COQ8B: variants seen among roughly 807,000 people sequenced by gnomAD.
COQ8B encodes the protein coenzyme Q8B, also known as atypical kinase COQ8B, mitochondrial.
In COQ8B, 44 loss-of-function variants were observed where a neutral mutation model predicts 62.0. The ratio of observed to expected loss-of-function variants is 0.71; its 90% CI spans 0.56 to 0.91. The LOEUF (loss-of-function observed/expected upper bound fraction) is 0.91, where lower values mean the gene tolerates loss of function less well. Ranked by LOEUF, COQ8B falls within the 40% of genes least tolerant of loss-of-function variation. The pLI, the probability that COQ8B is intolerant of heterozygous loss-of-function variation, is 0.00. For missense variants in COQ8B, 649 were observed against 731.6 expected, an observed-to-expected ratio of 0.89 and a Z score of 1.30; for synonymous variants, 252 against 289.9, an observed-to-expected ratio of 0.87 and a Z score of 1.33.
At chr19:40,703,655 G>A (rs747944540) in intron 8 of COQ8B, 33 bp from the exon 9 acceptor site, 2 of 1,613,592 alleles carry the variant, frequency 1.2e-6, no homozygotes, top group Middle Eastern at 1.7e-4. Context: ...GAGAAGGTGG[G>A]AGTCACTTCT....
At position 40,700,106 on chromosome 19, in the gene COQ8B, G is replaced by A; in HGVS notation, c.1104C>T (p.Pro368=). The part of the protein sequence containing the change: ...LFEFRFMQTD[P]NWANFLYDAS... Reference sequence around the variant, plus strand: ...CATCATACAGGAAGTTGGCCCAGTTGGGGTCAGTCTGCATGAATCGGAACT... The same window carrying A: ...CATCATACAGGAAGTTGGCCCAGTTAGGGTCAGTCTGCATGAATCGGAACT... The change falls in exon 12 of 15, where the codon CCC becomes CCT. Residue 368 remains proline, a synonymous_variant. Transcript: ENST00000324464. The A allele has an allele frequency of 6.2e-7, 1 of 1,614,262 alleles. No individual in the cohort carries two copies. The highest frequency in any genetic ancestry group is 8.5e-7 in the Non-Finnish European group (1 of 1,180,048).
chr19:40,705,376 A>G lies in COQ8B; in HGVS notation c.439T>C (p.Cys147Arg), dbSNP rs2082092886. Residue 147 changes from cysteine (C) to arginine (R), a missense_variant, in exon 6 of 15, where the codon TGT becomes CGT. By Grantham distance (180) the Cys-to-Arg change is radical. Transcript: ENST00000324464. ...TTGAGGGCGGCCCCTCGAACTGTAC[A>G]TAAGGTCTGCACAATCCGCTCGGCA... is the stretch of plus-strand genomic sequence containing the variant. ...ANAERIVQTL[C>R]TVRGAALKVG... The G allele has an allele frequency of 1.2e-6, 2 of 1,602,208 alleles. No homozygotes were observed. Among genetic ancestry groups the G allele is most frequent in the Non-Finnish European group, 1.7e-6 (2 of 1,170,428 alleles).
chr19:40,694,520 G>A, intron 13 of COQ8B, among the ~76,000 whole-genome samples: 1 of 152,142 alleles, frequency 6.6e-6, no homozygotes, highest in South Asian at 2.1e-4. Context: ...TCCTTTGGGT[G>A]CTCTAGGGCC....
chr19:40,693,854 C>T (rs1038916010), intron 13 of COQ8B, among the ~76,000 whole-genome samples: 4 of 149,088 alleles, frequency 2.7e-5, no homozygotes, highest in Non-Finnish European at 3.0e-5. Flanking sequence ...GAAGCAGACC[C>T]GGAGTAGGGA....
chr19:40,692,715 C>G (rs374605758), intron 14 of COQ8B, among the ~76,000 whole-genome samples: 9 of 151,942 alleles, frequency 5.9e-5, no homozygotes, highest in South Asian at 4.1e-4. Flanking sequence ...CACCTCCCCC[C>G]ACTCCTCCCC....
intron 1 of COQ8B, chr19:40,715,532 C>G: frequency 1.0e-6 from 1 of 985,552 alleles, no homozygotes; most frequent in South Asian, 4.7e-5. Context: ...CCACTTTGCA[C>G]AAACACCCAC....
At chr19:40,702,892 C>T (rs1438076593) in intron 9 of COQ8B, among the ~76,000 whole-genome samples, 199 bp from the exon 10 acceptor site, 2 of 152,062 alleles carry the variant, frequency 1.3e-5, no homozygotes, top group Non-Finnish European at 2.9e-5. Context: ...CCTCTCCTGT[C>T]TCCCCCGCTG....
intron 9 of COQ8B, 37 bp downstream of exon 9, chr19:40,703,504 T>C (rs771687989): frequency 1.3e-6 from 2 of 1,567,586 alleles, no homozygotes; most frequent in South Asian, 1.2e-5. Flanking sequence ...GCATAGCCCC[T>C]TTGGGAGGTC....
At chr19:40,702,480 T>C (rs2082067642) in intron 10 of COQ8B, 120 bp downstream of exon 10, 5 of 917,118 alleles carry the variant, frequency 5.5e-6, no homozygotes, top group Non-Finnish European at 8.9e-6. Flanking sequence ...GAACAATGAT[T>C]GAAAGAAAGA....
intron 12 of COQ8B, among the ~76,000 whole-genome samples, chr19:40,697,247 G>A (rs1463533478): frequency 6.6e-6 from 1 of 152,004 alleles, no homozygotes; most frequent in Non-Finnish European, 1.5e-5. Context: ...GGGTAGCTGG[G>A]ACCACAGGTG....
intron 5 of COQ8B, among the ~76,000 whole-genome samples, chr19:40,706,187 C>T (rs150966209): frequency 0.019 from 2,880 of 152,138 alleles, 111 homozygotes; most frequent in Admixed American, 0.097. Context: ...AGAGGTCACC[C>T]TTGGTGAGGG....
chr19:40,700,151 C>G lies in COQ8B; in HGVS notation c.1059G>C (p.Leu353=). The G allele has an allele frequency of 6.2e-7, 1 of 1,614,252 alleles. No homozygotes were observed. The highest frequency in any genetic ancestry group is 1.1e-5 in the South Asian group (1 of 91,084). ...RNQICFQLLT[L]CLRELFEFRF... is the part of the protein sequence containing the mutation. ...GGAACTCAAACAGCTCCCGCAGACA[C>G]AGCGTCAGGAGCTGGAAGCAAATCT... Residue 353 remains leucine, a synonymous_variant, in exon 12 of 15, where the codon CTG becomes CTC. Coordinates refer to ENST00000324464, the MANE Select transcript of COQ8B (RefSeq NM_024876.4).
chr19:40,697,114 AT>A (rs35930091), intron 12 of COQ8B, among the ~76,000 whole-genome samples: 51,743 of 141,922 alleles, frequency 0.36, 9,157 homozygotes, highest in Non-Finnish European at 0.43. Flanking sequence ...CTGTTCTGAC[AT>A]TTTTTTTTTT....
chr19:40,704,311 T>C (rs537734956), intron 7 of COQ8B: 1 of 157,288 alleles, frequency 6.4e-6, no homozygotes, highest in African/African-American at 2.4e-5. Flanking sequence ...GCCCAGCTAA[T>C]TATTACTGTT....
At position 40,691,824 on chromosome 19, in the gene COQ8B, C is replaced by G. The variant is rs904219914; in HGVS notation, c.*211G>C. 1.2e-5 allele frequency: 5 copies of G among 431,382 alleles called. No individual in the cohort carries two copies. Among genetic ancestry groups the G allele is most frequent in the African/African-American group, 1.0e-4 (5 of 50,228 alleles). The allele number at this position is 431,382 out of a possible 1,614,324, so 26.7% of individuals were successfully genotyped here. A position where few individuals can be genotyped will look rare whatever the true frequency, so the allele number is the denominator to read the frequency against. ...GCTTCCCTGGCTTAGTTTTCGGATA[C>G]CCACTTTCGAGTGGGGAGGTGCAGG... is the stretch of plus-strand genomic sequence containing the variant. On this transcript the variant is annotated 3_prime_UTR_variant, in exon 15 of 15. Coordinates refer to ENST00000324464, the MANE Select transcript of COQ8B (RefSeq NM_024876.4).
At chr19:40,697,851 T>TAGAGAGAGAGAGAGAGAGAG (rs1290386996) in intron 12 of COQ8B, among the ~76,000 whole-genome samples, 17 of 54,724 alleles carry the variant, frequency 3.1e-4, no homozygotes, top group African/African-American at 8.8e-4. Flanking sequence ...TATATATATA[T>TAGAGAGAGAGAGAGAGAGAG]AGAGAGAGAG....
At chr19:40,703,280 C>A (rs2082075377) in intron 9 of COQ8B, 1 of 472,694 alleles carries the variant, frequency 2.1e-6, no homozygotes, top group Non-Finnish European at 3.8e-6. Context: ...TCCCTGCATG[C>A]ACACCCTCTG....
intron 7 of COQ8B, chr19:40,704,711 C>T (rs7254825): frequency 0.019 from 3,077 of 163,928 alleles, 98 homozygotes; most frequent in African/African-American, 0.067. Context: ...TGCCAGGCGC[C>T]GTGCCAACCT....
intron 12 of COQ8B, among the ~76,000 whole-genome samples, 170 bp from the exon 13 acceptor site, chr19:40,696,224 C>G (rs1333811053): frequency 1.3e-5 from 2 of 151,604 alleles, no homozygotes; most frequent in African/African-American, 4.9e-5. Flanking sequence ...CCAACCGACC[C>G]CCTAGCTGAA....
Sources: gnomAD v4.1 joint callset for allele counts (sites outside exome capture counted in the v4.1 genomes callset) on GRCh38, gnomAD v4.1.1 for gene constraint, MANE v1.5 for transcripts, NCBI Gene and HGNC (gene_info 2026-07-23, HGNC 2026-07-21) for gene names.